RASA3: variants seen among roughly 807,000 people sequenced by gnomAD.
RASA3 encodes RAS p21 protein activator 3.
In RASA3, 73 loss-of-function variants were observed where a neutral mutation model predicts 110.0. That is an observed-to-expected ratio of 0.66 (90% CI 0.55 to 0.81). The LOEUF is 0.81. Ranked by LOEUF, RASA3 falls within the 30% of genes least tolerant of loss-of-function variation. The pLI, the probability that RASA3 is intolerant of heterozygous loss-of-function variation, is 0.00. For synonymous variants in RASA3, 500 were observed against 451.4 expected (o/e 1.11, Z -1.37); for missense variants, 976 against 1,113.2 (o/e 0.88, Z 1.75).
intron 1 of RASA3, among the ~76,000 whole-genome samples, chr13:114,119,500 GC>G (rs1241326621): frequency 8.8e-6 from 1 of 113,672 alleles, no homozygotes; most frequent in African/African-American, 3.0e-5. Flanking sequence ...CCCCTCTCCA[GC>G]CAGGCGTCGA....
intron 1 of RASA3, among the ~76,000 whole-genome samples, chr13:114,092,684 CTAGAG>C (rs1289010465): frequency 6.6e-6 from 1 of 152,118 alleles, no homozygotes; most frequent in African/African-American, 2.4e-5. Context: ...CTCTTTTGGC[CTAGAG>C]TATAGTTTAA....
Position 114,023,772 on chromosome 13 carries a change from C to T in RASA3, c.680+507G>A, listed in dbSNP as rs150443118. On this transcript the variant is annotated intron_variant, in intron 8 of 23. Coordinates refer to ENST00000334062, the MANE Select transcript of RASA3 (RefSeq NM_007368.4). Reference sequence around the variant, plus strand: ...CCATGGGCAAAGGCTGAAGATGCAGCTTCTATGACCATACACAGGAAACAT... The same window carrying T: ...CCATGGGCAAAGGCTGAAGATGCAGTTTCTATGACCATACACAGGAAACAT... Among the ~76,000 whole-genome samples, 10 of 152,340 alleles carry T rather than the reference C, an allele frequency of 6.6e-5. No homozygotes were observed. In the East Asian group the frequency reaches 1.5e-3, roughly 24 times the overall value.
chr13:114,015,293 T>C lies in RASA3; in HGVS notation c.1321A>G (p.Ile441Val), dbSNP rs576706285. Residue 441 changes from isoleucine (I) to valine (V), a missense_variant, in exon 14 of 24, where the codon ATC (isoleucine) becomes GTC (valine). Ile to Val is a conservative substitution (Grantham distance 29). Coordinates refer to ENST00000334062, the MANE Select transcript of RASA3 (RefSeq NM_007368.4). ...GGGCAGCTCACCCCAGACTCAGTGA[T>C]GGCGTGGAAGACGCGGTCCACATAC... ...RQYVDRVFHAITESGVSCPTV... is the reference protein window; with the variant it reads ...RQYVDRVFHAVTESGVSCPTV... The C allele has an allele frequency of 5.5e-5, 89 of 1,613,096 alleles. 2 individuals are homozygous for C. The South Asian group carries it at 8.5e-4, about 15-fold the overall frequency.
intron 1 of RASA3, among the ~76,000 whole-genome samples, chr13:114,126,613 C>T (rs1252723953): frequency 6.6e-6 from 1 of 152,236 alleles, no homozygotes; most frequent in African/African-American, 2.4e-5. Flanking sequence ...GATCTCAACA[C>T]CCTCCTACTT....
At chr13:113,981,617 C>T in intron 23 of RASA3, 58 bp downstream of exon 23, 1 of 1,568,628 alleles carries the variant, frequency 6.4e-7, no homozygotes, top group South Asian at 1.2e-5. Context: ...CCCACCCCCA[C>T]TGCAATCTCC....
At chr13:113,995,856 G>GA (rs774135204) in intron 21 of RASA3, among the ~76,000 whole-genome samples, 895 of 24,772 alleles carry the variant, frequency 0.036, 188 homozygotes, top group African/African-American at 0.097. Flanking sequence ...CTGACGGGGG[G>GA]CCCGGCTGAT....
At position 114,024,417 on chromosome 13, in the gene RASA3, G is replaced by A; in HGVS notation, c.604-62C>T. On this transcript the variant is annotated intron_variant, in intron 7 of 23. Coordinates refer to ENST00000334062, the MANE Select transcript of RASA3 (RefSeq NM_007368.4). ...GTGCCACCAGGCGGGGGTATATGCG[G>A]ACCTAGGCCCCGGGCTGCCCTACCC... 8 of 1,486,200 alleles carry A rather than the reference G, an allele frequency of 5.4e-6. No homozygotes were observed. The South Asian group carries it at 9.0e-5, about 17-fold the overall frequency. The allele number at this position is 1,486,200 out of a possible 1,614,324, so 92.1% of individuals were successfully genotyped here. A position where few individuals can be genotyped will look rare whatever the true frequency, so the allele number is the denominator to read the frequency against.
chr13:114,040,229 C>G lies in RASA3; in HGVS notation c.372+771G>C, dbSNP rs138242805. Among the ~76,000 whole-genome samples, 121 of 152,298 alleles carry G rather than the reference C, an allele frequency of 7.9e-4. 1 individual carries two copies. The East Asian group carries it at 0.022, about 28-fold the overall frequency. ...TGGGCGAACAGACACAATGCAAAAT[C>G]CATGACAGAGCCTGCGCTCACTCCG... is the stretch of plus-strand genomic sequence containing the variant. On this transcript the variant is annotated intron_variant, in intron 4 of 23. Coordinates refer to ENST00000334062, the MANE Select transcript of RASA3 (RefSeq NM_007368.4).
At chr13:114,013,388 CCTCT>C (rs1405706112) in intron 14 of RASA3, 140 bp from the exon 15 acceptor site, 18 of 600,984 alleles carry the variant, frequency 3.0e-5, no homozygotes, top group Non-Finnish European at 5.3e-5. Flanking sequence ...TGTCTCTCTC[CCTCT>C]CTCTGTTTCC....
intron 1 of RASA3, among the ~76,000 whole-genome samples, chr13:114,099,206 C>T (rs2079989968): frequency 6.6e-6 from 1 of 151,600 alleles, no homozygotes; most frequent in African/African-American, 2.4e-5. Context: ...CCCCAGACCA[C>T]CCCTCCTTTT....
Position 114,024,938 on chromosome 13 carries a change from G to A in RASA3, c.604-583C>T, listed in dbSNP as rs770827779. 7.0e-4 allele frequency among the ~76,000 whole-genome samples: 106 copies of A among 151,444 alleles called. 3 individuals carry two copies. The highest frequency in any genetic ancestry group is 6.1e-3 in the Admixed American group (93 of 15,272). On this transcript the variant is annotated intron_variant, in intron 7 of 23. Coordinates refer to ENST00000334062, the MANE Select transcript of RASA3 (RefSeq NM_007368.4). Reference sequence around the variant, plus strand: ...CTTAGAACAGAAACGGAGTGAAGGCGTGAAGGGTCGAGGCTCCGGGACCGC... The same window carrying A: ...CTTAGAACAGAAACGGAGTGAAGGCATGAAGGGTCGAGGCTCCGGGACCGC...
At chr13:114,005,782 C>CT (rs2053503931) in intron 18 of RASA3, among the ~76,000 whole-genome samples, 2 of 143,162 alleles carry the variant, frequency 1.4e-5, no homozygotes, top group South Asian at 4.6e-4. Flanking sequence ...CTTCTCCCCC[C>CT]TCCTGCCCTG....
rs574973758 is a variant in RASA3, at chr13:114,016,873, G to A, written c.1206+364C>T. Among the ~76,000 whole-genome samples the A allele has an allele frequency of 4.6e-5, 7 of 152,242 alleles. 1 individual carries two copies. The South Asian group carries it at 1.0e-3, about 23-fold the overall frequency. Reference sequence around the variant, plus strand: ...GTGGGTGTGCGGGCATCAGAGGGTCGGGTGAGGACTGGGCGTGCAGCTCAA... The same window carrying A: ...GTGGGTGTGCGGGCATCAGAGGGTCAGGTGAGGACTGGGCGTGCAGCTCAA... On this transcript the variant is annotated intron_variant, in intron 12 of 23. Coordinates refer to ENST00000334062, the MANE Select transcript of RASA3 (RefSeq NM_007368.4).
chr13:114,032,167 A>G (rs915320755), intron 4 of RASA3, among the ~76,000 whole-genome samples: 3 of 152,130 alleles, frequency 2.0e-5, no homozygotes, highest in Non-Finnish European at 2.9e-5. Context: ...GACCCTCACC[A>G]AACAGATCTA....
At chr13:114,066,988 TGAG>T (rs1209422879) in intron 2 of RASA3, among the ~76,000 whole-genome samples, 1 of 139,320 alleles carries the variant, frequency 7.2e-6, no homozygotes, top group African/African-American at 2.8e-5. Flanking sequence ...CTACCTGGGC[TGAG>T]GACGGGCCCC....
intron 3 of RASA3, among the ~76,000 whole-genome samples, chr13:114,045,944 T>G (rs75363957): frequency 2.0e-5 from 3 of 151,858 alleles, no homozygotes; most frequent in South Asian, 2.1e-4. Flanking sequence ...CCCAAGCGTG[T>G]AAAGATATAC....
chr13:113,995,035 C>T (rs952737771), intron 21 of RASA3, among the ~76,000 whole-genome samples: 6 of 152,164 alleles, frequency 3.9e-5, no homozygotes, highest in East Asian at 1.9e-4. Flanking sequence ...TGTGGGTGTG[C>T]GGGATAGGGG....
Position 114,074,028 on chromosome 13 carries a change from C to T in RASA3, c.56-191G>A, listed in dbSNP as rs182260314. On this transcript the variant is annotated intron_variant, in intron 1 of 23. Transcript: ENST00000334062. Reference sequence around the variant, plus strand: ...ACTGCCGAAAGGCGAGGGACATGCACGCCACCCTCTAATGCAAGTCCCGCA... The same window carrying T: ...ACTGCCGAAAGGCGAGGGACATGCATGCCACCCTCTAATGCAAGTCCCGCA... Among the ~76,000 whole-genome samples the T allele has an allele frequency of 2.9e-3, 449 of 152,332 alleles. 4 individuals carry two copies. Among genetic ancestry groups the T allele is most frequent in the Non-Finnish European group, 3.3e-3 (225 of 68,030 alleles).
At chr13:114,061,366 C>T (rs551930959) in intron 2 of RASA3, among the ~76,000 whole-genome samples, 23 of 152,202 alleles carry the variant, frequency 1.5e-4, no homozygotes, top group South Asian at 1.2e-3. Flanking sequence ...AAACCCCAGG[C>T]GCCCAGGCCC....
Sources: allele counts gnomAD v4.1 joint callset (sites outside exome capture counted in the v4.1 genomes callset), GRCh38; gene constraint gnomAD v4.1.1; transcripts MANE v1.5; gene names NCBI Gene and HGNC (gene_info 2026-07-23, HGNC 2026-07-21).